FN1: variants seen among roughly 807,000 people sequenced by gnomAD.
FN1 encodes the protein fibronectin.
Under a neutral mutation model 297.3 loss-of-function variants are expected in FN1, and 106 were observed. The ratio of observed to expected loss-of-function variants is 0.36; its 90% confidence interval spans 0.30 to 0.42. The LOEUF (loss-of-function observed/expected upper bound fraction) is 0.42. FN1 is among the 10% of genes least tolerant of loss of function. The pLI, the probability that FN1 is intolerant of heterozygous loss-of-function variation, is 1.00. For synonymous variants in FN1, 1,149 were observed against 1,152.6 expected, an observed-to-expected ratio of 1.00 and a Z score of 0.06; for missense variants, 2,690 against 3,124.9, an observed-to-expected ratio of 0.86 and a Z score of 3.32.
Position 215,375,696 on chromosome 2 carries a change from G to A in FN1, c.5910C>T (p.Tyr1970=). The change falls in exon 37 of 46, where the codon TAC becomes TAT. Residue 1970 remains tyrosine, a synonymous_variant. Coordinates refer to ENST00000354785, the MANE Select transcript of FN1 (RefSeq NM_212482.4). ...TITGLQPGTD[Y]KIYLYTLNDN... is the part of the protein sequence containing the mutation. ...CATTCAAGGTGTACAGGTAGATCTT[G>A]TAGTCAGTGCCTGGTTGTAAACCTG... The A allele has an allele frequency of 5.0e-6, 8 of 1,612,150 alleles. No individual in the cohort carries two copies. Among genetic ancestry groups the A allele is most frequent in the Non-Finnish European group, 6.8e-6 (8 of 1,178,184 alleles).
rs182760754 is a variant in FN1 at position 215,364,071 on chromosome 2, T to G, written c.7251+808A>C. Among the ~76,000 whole-genome samples, 356 of 152,352 alleles carry G rather than the reference T, an allele frequency of 2.3e-3. 1 individual carries two copies. The highest frequency in any genetic ancestry group is 4.3e-3 in the Non-Finnish European group (291 of 68,036). On this transcript the variant is annotated intron_variant, in intron 44 of 45. Transcript: ENST00000354785. ...TCAGCCAGTTCATGCTTCTCTTTCT[T>G]GCTAATTCCAGCCTACCCAGAACTG...
In FN1 at chr2:215,394,512, C is replaced by T; in HGVS notation, c.3796+16G>A. On this transcript the variant is annotated intron_variant, in intron 24 of 45. Coordinates refer to ENST00000354785, the MANE Select transcript of FN1 (RefSeq NM_212482.4). Reference sequence around the variant, plus strand: ...GGAAGTGTCACTCTCAGGATAGCAGCTTATTTTTCTATTACCTGGGATGAT... The same window carrying T: ...GGAAGTGTCACTCTCAGGATAGCAGTTTATTTTTCTATTACCTGGGATGAT... 2 of 1,602,096 alleles carry T rather than the reference C, an allele frequency of 1.2e-6. No individual in the cohort carries two copies. Among genetic ancestry groups the T allele is most frequent in the South Asian group, 2.2e-5 (2 of 90,802 alleles).
chr2:215,423,180 TCACA>T (rs9288509), intron 9 of FN1, among the ~76,000 whole-genome samples, 166 bp downstream of exon 9: 457 of 148,822 alleles, frequency 3.1e-3, no homozygotes, highest in East Asian at 0.023. Context: ...TGATGTAACA[TCACA>T]CACACACACA....
At position 215,373,319 on chromosome 2, in the gene FN1, T is replaced by TA; in HGVS notation, c.6247+2dup. 1 of 1,610,050 alleles carries TA rather than the reference T, an allele frequency of 6.2e-7. No individual in the cohort carries two copies. Among genetic ancestry groups the TA allele is most frequent in the Non-Finnish European group, 8.5e-7 (1 of 1,176,458 alleles). On this transcript the variant is annotated splice_region_variant and intron_variant, in intron 39 of 45. Coordinates refer to ENST00000354785, the MANE Select transcript of FN1 (RefSeq NM_212482.4). ...CTCCTTGTTACCTGCAAGATACTCT[T>TA]ACCTGTCTTTTTCCTTCCAATCAGG...
Position 215,386,493 on chromosome 2 carries a change from T to G in FN1, c.4612+196A>C, listed in dbSNP as rs557884413. The stretch of plus-strand genomic sequence containing the variant: ...TTCTTTACTGCCACCACGCCCGGGC[T>G]TCTTTACCATATTCTAAGGAAGATG... On this transcript the variant is annotated intron_variant, in intron 28 of 45. Transcript: ENST00000354785. Among the ~76,000 whole-genome samples the G allele has an allele frequency of 2.0e-5, 3 of 151,896 alleles. No homozygotes were observed. The South Asian group carries it at 6.3e-4, about 32-fold the overall frequency.
At position 215,378,254 on chromosome 2, in the gene FN1, G is replaced by T; in HGVS notation, c.5631C>A (p.Thr1877=). 6.2e-7 allele frequency: 1 copy of T among 1,606,712 alleles called. No homozygotes were observed. The highest frequency in any genetic ancestry group is 8.5e-7 in the Non-Finnish European group (1 of 1,173,998). Residue 1877 remains threonine, a synonymous_variant, in exon 35 of 46, where the codon ACC becomes ACA. Coordinates refer to ENST00000354785, the MANE Select transcript of FN1 (RefSeq NM_212482.4). ...GAGCATAGACACTCACTTCATATTT[G>T]GTGGCCACCTAGAGAAATAAGGGCA... ...SVVVSGLMVA[T]KYEVSVYALK... is the part of the protein sequence containing the mutation.
At chr2:215,407,699 C>G (rs772595806) in intron 17 of FN1, among the ~76,000 whole-genome samples, 1 of 152,112 alleles carries the variant, frequency 6.6e-6, no homozygotes, top group Non-Finnish European at 1.5e-5. Flanking sequence ...CTGTGTGTGT[C>G]TTTTTGGAAC....
At chr2:215,376,223 T>C (rs542358797) in intron 36 of FN1, among the ~76,000 whole-genome samples, 11 of 152,346 alleles carry the variant, frequency 7.2e-5, no homozygotes, top group African/African-American at 2.6e-4. Context: ...TTAAACCTTA[T>C]GTTACAATTT....
intron 12 of FN1, among the ~76,000 whole-genome samples, chr2:215,418,601 A>T (rs2063755690): frequency 6.6e-6 from 1 of 152,192 alleles, no homozygotes; most frequent in Non-Finnish European, 1.5e-5. Flanking sequence ...GTGAATATTT[A>T]AATGCAATTT....
intron 40 of FN1, among the ~76,000 whole-genome samples, chr2:215,370,780 C>T (rs2055858612): frequency 6.6e-6 from 1 of 152,162 alleles, no homozygotes; most frequent in South Asian, 2.1e-4. Context: ...GTTTGCTTCA[C>T]ATAAAACCTG....
rs1559475686 is a variant in FN1 at position 215,401,247 on chromosome 2, A to AAGG, written c.3254-1897_3254-1896insCCT. On this transcript the variant is annotated intron_variant, in intron 20 of 45. Transcript: ENST00000354785. ...GAAAGAAAGAAAGAAAGAAAGAAAG[A>AAGG]AAGGAAGAAAGAAAGGAAGGAAAGG... is the stretch of plus-strand genomic sequence containing the variant. 1.4e-4 allele frequency among the ~76,000 whole-genome samples: 11 copies of AAGG among 80,136 alleles called. 1 individual carries two copies. The highest frequency in any genetic ancestry group is 3.1e-4 in the African/African-American group (6 of 19,132). 52.6% of individuals were successfully genotyped at this position (80,136 alleles called of 152,430 possible).
At chr2:215,377,004 T>G (rs547821324) in intron 35 of FN1, among the ~76,000 whole-genome samples, 2 of 152,122 alleles carry the variant, frequency 1.3e-5, no homozygotes, top group Admixed American at 6.6e-5. Context: ...AAAATATGTG[T>G]GGTAGGAGTT....
intron 39 of FN1, among the ~76,000 whole-genome samples, chr2:215,372,951 T>C (rs575355267): frequency 1.3e-5 from 2 of 152,236 alleles, no homozygotes; most frequent in South Asian, 4.1e-4. Flanking sequence ...AGAAACCAAA[T>C]AAAGATAAAT....
chr2:215,365,020 C>T (rs765992324), intron 43 of FN1, 35 bp from the exon 44 acceptor site: 3 of 1,364,072 alleles, frequency 2.2e-6, no homozygotes, highest in Non-Finnish European at 3.1e-6. Flanking sequence ...CACGCATAAG[C>T]TGAGAACAAT....
At chr2:215,428,961 G>A (rs967087605) in intron 5 of FN1, among the ~76,000 whole-genome samples, 5 of 152,030 alleles carry the variant, frequency 3.3e-5, no homozygotes, top group Admixed American at 1.3e-4. Context: ...GTTGCAATGA[G>A]CTGAGATCAC....
intron 11 of FN1, 104 bp downstream of exon 11, chr2:215,420,569 T>A: frequency 6.9e-7 from 1 of 1,448,360 alleles, no homozygotes. Context: ...CTGATCAAAG[T>A]CTGGAGCCAA....
chr2:215,370,912 A>G (rs979428887), intron 40 of FN1, among the ~76,000 whole-genome samples: 1 of 152,156 alleles, frequency 6.6e-6, no homozygotes, highest in Non-Finnish European at 1.5e-5. Flanking sequence ...TAAATTTCCT[A>G]CAGTGTTGTC....
In FN1 at chr2:215,408,317, C is replaced by T; in HGVS notation, c.2409G>A (p.Leu803=). 1 of 1,614,118 alleles carries T rather than the reference C, an allele frequency of 6.2e-7. No homozygotes were observed. Among genetic ancestry groups the T allele is most frequent in the South Asian group, 1.1e-5 (1 of 91,078 alleles). Reference sequence around the variant, plus strand: ...ATGTACCTGTTGTTTGTGAAGTAGACAGGATCAAACTCTGCTCCCCATCCT... The same window carrying T: ...ATGTACCTGTTGTTTGTGAAGTAGATAGGATCAAACTCTGCTCCCCATCCT... ...ISEDGEQSLI[L]STSQTTAPDA... The change falls in exon 16 of 46, where the codon CTG becomes CTA. Residue 803 remains leucine (L), a synonymous_variant. Coordinates refer to ENST00000354785, the MANE Select transcript of FN1 (RefSeq NM_212482.4).
chr2:215,428,464 T>C, intron 5 of FN1, 126 bp from the exon 6 acceptor site: 2 of 816,954 alleles, frequency 2.4e-6, no homozygotes, highest in Middle Eastern at 3.0e-4. Flanking sequence ...TATTCAGCTC[T>C]GGTGCTGCAA....
Sources: gnomAD v4.1 joint callset for allele counts (sites outside exome capture counted in the v4.1 genomes callset) on GRCh38, gnomAD v4.1.1 for gene constraint, MANE v1.5 for transcripts, NCBI Gene and HGNC (gene_info 2026-07-23, HGNC 2026-07-21) for gene names.